Variants in PCNX2 observed in about 807,000 individuals in gnomAD.
The protein encoded by PCNX2 is pecanex-like protein 2.
Under a neutral mutation model 223.8 loss-of-function variants are expected in PCNX2, and 168 were observed. The ratio of observed to expected loss-of-function variants is 0.75; its 90% CI spans 0.66 to 0.85. PCNX2 has a LOEUF of 0.85. Among genes scored for constraint, PCNX2 ranks in the 40% least tolerant of loss-of-function variants. The pLI is 0.00. For missense variants in PCNX2, 2,507 were observed against 2,675.5 expected (o/e 0.94, Z 1.39); for synonymous variants, 1,006 against 1,052.6 (o/e 0.96, Z 0.86).
chr1:233,043,854 G>A (rs1402652291), intron 25 of PCNX2, among the ~76,000 whole-genome samples: 1 of 151,230 alleles, frequency 6.6e-6, no homozygotes, highest in Non-Finnish European at 1.5e-5. Context: ...TGTGAATAGT[G>A]CCACAACAAA....
chr1:233,136,235 T>C (rs1676793860), intron 20 of PCNX2, among the ~76,000 whole-genome samples: 1 of 152,196 alleles, frequency 6.6e-6, no homozygotes, highest in Admixed American at 6.5e-5. Flanking sequence ...TAGAAAATGG[T>C]TGCACTTCTA....
chr1:233,055,918 C>G (rs565002235), intron 24 of PCNX2, among the ~76,000 whole-genome samples: 40 of 152,252 alleles, frequency 2.6e-4, no homozygotes, highest in African/African-American at 9.6e-4. Flanking sequence ...AGTGCGCTTA[C>G]ATAAGGAAGA....
At position 233,062,963 on chromosome 1, in the gene PCNX2, C is replaced by T. The variant is rs562614145; in HGVS notation, c.4077-5673G>A. Reference sequence around the variant, plus strand: ...TAAAAACAAAAGAAGAGGCCGGGCACGGTGGCTCATGCCTGTAATCCCAGC... The same window carrying T: ...TAAAAACAAAAGAAGAGGCCGGGCATGGTGGCTCATGCCTGTAATCCCAGC... On this transcript the variant is annotated intron_variant, in intron 23 of 33. Transcript: ENST00000258229. Among the ~76,000 whole-genome samples, 7 of 152,196 alleles carry T rather than the reference C, an allele frequency of 4.6e-5. No homozygotes were observed. The South Asian group carries it at 6.2e-4, about 14-fold the overall frequency.
intron 23 of PCNX2, among the ~76,000 whole-genome samples, chr1:233,088,749 C>G (rs964161859): frequency 1.3e-5 from 2 of 152,098 alleles, no homozygotes; most frequent in African/African-American, 4.8e-5. Flanking sequence ...TGAAGGAGAT[C>G]CCCCCGAGTC....
At chr1:233,025,434 G>A (rs1671050613) in intron 25 of PCNX2, 35 bp from the exon 26 acceptor site, 1 of 1,607,720 alleles carries the variant, frequency 6.2e-7, no homozygotes, top group Admixed American at 1.7e-5. Flanking sequence ...AGTTTGAAGA[G>A]AAGGCATGCT....
At chr1:233,082,635 T>A (rs73105167) in intron 23 of PCNX2, among the ~76,000 whole-genome samples, 1,536 of 152,264 alleles carry the variant, frequency 0.01, 36 homozygotes, top group African/African-American at 0.034. Flanking sequence ...TAAGCCAGAA[T>A]AAGCGGCCTG....
chr1:233,267,154 T>C (rs1203565854), intron 1 of PCNX2, among the ~76,000 whole-genome samples: 10 of 152,020 alleles, frequency 6.6e-5, no homozygotes, highest in Non-Finnish European at 2.9e-5. Context: ...CCCAGTCTAC[T>C]AAAAACACAA....
chr1:233,256,649 T>C (rs1438534053), intron 5 of PCNX2, among the ~76,000 whole-genome samples: 1 of 152,226 alleles, frequency 6.6e-6, no homozygotes, highest in African/African-American at 2.4e-5. Context: ...GGCTACCATA[T>C]TGGACTGCAG....
intron 8 of PCNX2, among the ~76,000 whole-genome samples, chr1:233,238,560 G>T (rs955057314): frequency 6.6e-6 from 1 of 152,068 alleles, no homozygotes; most frequent in African/African-American, 2.4e-5. Flanking sequence ...GGGCATGGTG[G>T]CACATGCCTG....
chr1:233,168,859 T>C (rs886128441), intron 17 of PCNX2, among the ~76,000 whole-genome samples: 1 of 152,128 alleles, frequency 6.6e-6, no homozygotes, highest in Non-Finnish European at 1.5e-5. Context: ...ATTGGCACCA[T>C]CACTAATTTT....
chr1:233,062,452 T>C (rs1672441392), intron 23 of PCNX2, among the ~76,000 whole-genome samples: 2 of 152,230 alleles, frequency 1.3e-5, no homozygotes, highest in African/African-American at 4.8e-5. Context: ...TTTTTTTCCA[T>C]ATAAGTTTTG....
At chr1:233,211,890 G>T in intron 12 of PCNX2, 1 of 885,288 alleles carries the variant, frequency 1.1e-6, no homozygotes, top group Non-Finnish European at 1.4e-6. Flanking sequence ...AAGGACTCTG[G>T]GCAGAGAAAA....
intron 25 of PCNX2, among the ~76,000 whole-genome samples, chr1:233,028,430 G>T (rs892540594): frequency 6.6e-6 from 1 of 152,074 alleles, no homozygotes; most frequent in Non-Finnish European, 1.5e-5. Context: ...GCACATTTAG[G>T]ACTGTTATGT....
intron 1 of PCNX2, among the ~76,000 whole-genome samples, chr1:233,292,498 C>G (rs1386504198): frequency 1.3e-5 from 2 of 152,134 alleles, no homozygotes; most frequent in Admixed American, 1.3e-4. Flanking sequence ...CATGAGCCAC[C>G]ACACCCAACC....
chr1:233,109,011 C>T (rs368128035), intron 21 of PCNX2, among the ~76,000 whole-genome samples: 2 of 152,132 alleles, frequency 1.3e-5, no homozygotes, highest in South Asian at 2.1e-4. Flanking sequence ...GCTGGGGACC[C>T]AGCAGACTTC....
chr1:233,298,808 G>A (rs1662211185), upstream of PCNX2, among the ~76,000 whole-genome samples: 1 of 152,114 alleles, frequency 6.6e-6, no homozygotes, highest in Non-Finnish European at 1.5e-5. Context: ...CTTGAACCTG[G>A]GAGGCAGAGG....
rs1434237943 is a variant in PCNX2, at chr1:233,139,781, C to T, written c.3592G>A (p.Ala1198Thr). ...QCFEKYILYPALILNALTIDA... is the reference protein window; with the variant it reads ...QCFEKYILYPTLILNALTIDA... ...ATAGTGAGGGCATTCAAAATTAGCG[C>T]TGGGTACAAGATGTATTTTTCAAAA... Residue 1198 changes from alanine to threonine, a missense_variant, in exon 20 of 34, where the codon GCG becomes ACG. Physicochemically the swap from Ala to Thr is moderately conservative, Grantham distance 58. This residue lies in a region of PCNX2 where 1,372 missense variants were observed against 1,509.4 expected (regional missense o/e 0.91). Transcript: ENST00000258229. The surrounding 1 kb of genome is among the most constrained non-coding windows in gnomAD (Gnocchi z 4.4). 6.2e-7 allele frequency: 1 copy of T among 1,612,742 alleles called. No individual in the cohort carries two copies. Among genetic ancestry groups the T allele is most frequent in the East Asian group, 2.2e-5 (1 of 44,856 alleles).
At position 233,198,942 on chromosome 1, in the gene PCNX2, C is replaced by T. The variant is rs1680892976; in HGVS notation, c.3063G>A (p.Val1021=). 6.2e-7 allele frequency: 1 copy of T among 1,602,786 alleles called. No individual in the cohort carries two copies. Among genetic ancestry groups the T allele is most frequent in the Non-Finnish European group, 8.5e-7 (1 of 1,175,032 alleles). ...GGCCCATGGTCCTCACACCTACCTT[C>T]ACTGCACTGAAGCAGACTGCGTGGA... is the stretch of plus-strand genomic sequence containing the variant. ...ALLHAVCFSA[V]KEPWSMQHIP... The change falls in exon 15 of 34, where the codon GTG becomes GTA. Residue 1021 remains valine (V), a synonymous_variant. Transcript: ENST00000258229.
chr1:233,315,680 G>C, the PCNX2 span, among the ~76,000 whole-genome samples: 1 of 152,046 alleles, frequency 6.6e-6, no homozygotes, highest in African/African-American at 2.4e-5. Flanking sequence ...GTAAATTTGC[G>C]CAGGGAAAGA....
Sources: gnomAD v4.1 joint callset for allele counts (sites outside exome capture counted in the v4.1 genomes callset) on GRCh38, gnomAD v4.1.1 for gene constraint, gnomAD v4.1.1 regional missense constraint, Gnocchi (gnomAD v3.1) non-coding constraint, MANE v1.5 for transcripts, NCBI Gene and HGNC (gene_info 2026-07-23, HGNC 2026-07-21) for gene names.